NRP2: variants seen among roughly 807,000 people sequenced by gnomAD.
The protein encoded by NRP2 is neuropilin-2.
Under a neutral mutation model 110.4 loss-of-function variants are expected in NRP2, and 52 were observed. The observed-to-expected ratio is 0.47, with a 90% CI of 0.38 to 0.59. The LOEUF (loss-of-function observed/expected upper bound fraction) is 0.59, where lower values mean the gene tolerates loss of function less well. Ranked by LOEUF, NRP2 falls within the 20% of genes least tolerant of loss-of-function variation. The pLI, the probability that NRP2 is intolerant of heterozygous loss-of-function variation, is 0.00. For missense variants in NRP2, 1,049 were observed against 1,203.0 expected (o/e 0.87, Z 1.89); for synonymous variants, 508 against 468.9 (o/e 1.08, Z -1.08).
intron 10 of NRP2, among the ~76,000 whole-genome samples, chr2:205,747,158 C>G (rs1575620301): frequency 1.3e-5 from 2 of 152,230 alleles, no homozygotes; most frequent in Middle Eastern, 6.8e-3. Context: ...ACACTTCTGC[C>G]CATGATACAC....
chr2:205,754,099 C>T (rs1386836750), intron 12 of NRP2, among the ~76,000 whole-genome samples: 1 of 152,268 alleles, frequency 6.6e-6, no homozygotes, highest in Non-Finnish European at 1.5e-5. Flanking sequence ...TCTAGCACAG[C>T]ACTGAGTGAC....
intron 2 of NRP2, among the ~76,000 whole-genome samples, chr2:205,698,447 G>A (rs1324849084): frequency 6.6e-6 from 1 of 152,156 alleles, no homozygotes; most frequent in Non-Finnish European, 1.5e-5. Context: ...GAGAGGTTAG[G>A]TCAGTCACCC....
intron 2 of NRP2, among the ~76,000 whole-genome samples, chr2:205,714,713 T>C (rs1334645086): frequency 6.6e-6 from 1 of 152,172 alleles, no homozygotes; most frequent in African/African-American, 2.4e-5. Context: ...TTCTCCAGAC[T>C]CTAAGGAGCT....
Position 205,757,758 on chromosome 2 carries a change from G to C in NRP2, c.2044+4783G>C, listed in dbSNP as rs373680804. Among the ~76,000 whole-genome samples the C allele has an allele frequency of 3.3e-5, 5 of 152,272 alleles. No homozygotes were observed. In the East Asian group the frequency reaches 9.6e-4, roughly 29 times the overall value. The stretch of plus-strand genomic sequence containing the variant: ...GATAGATAATTAAAGATCAGGAGCA[G>C]CTTGGCTAAAAGAAAGCCAATAGTC... On this transcript the variant is annotated intron_variant, in intron 12 of 16. Coordinates refer to ENST00000357785, the MANE Select transcript of NRP2 (RefSeq NM_003872.3).
At chr2:205,776,569 G>A (rs1559364093) in intron 15 of NRP2, 2 of 1,600,094 alleles carry the variant, frequency 1.2e-6, no homozygotes, top group Non-Finnish European at 1.7e-6. Context: ...GAGAAAGACT[G>A]CAAACATGTT....
intron 7 of NRP2, chr2:205,739,857 T>C (rs771230589): frequency 1.9e-5 from 3 of 161,734 alleles, no homozygotes; most frequent in Non-Finnish European, 4.1e-5. Flanking sequence ...GGGACAGGGA[T>C]GGATTTCATT....
At chr2:205,778,535 T>C (rs1371926787) in intron 15 of NRP2, 1 of 152,196 alleles carries the variant, frequency 6.6e-6, no homozygotes, top group Non-Finnish European at 1.5e-5. Flanking sequence ...TGATGACTAA[T>C]ATGCCACTCA....
chr2:205,718,560 C>A lies in NRP2; in HGVS notation c.433+2186C>A, dbSNP rs542365843. ...CCACACTCCTGGCAATGTAAGAGAG[C>A]AGATGAGAGCCCATAGACTTCTCAG... On this transcript the variant is annotated intron_variant, in intron 3 of 16. Transcript: ENST00000357785. 3.3e-5 allele frequency among the ~76,000 whole-genome samples: 5 copies of A among 152,306 alleles called. No individual in the cohort carries two copies. In the South Asian group the frequency reaches 8.3e-4, roughly 25 times the overall value.
chr2:205,753,331 C>T (rs2057682689), intron 12 of NRP2, among the ~76,000 whole-genome samples: 1 of 152,168 alleles, frequency 6.6e-6, no homozygotes, highest in South Asian at 2.1e-4. Flanking sequence ...ATCACAGAGC[C>T]CCTTGTCAAC....
rs532583161 is a variant in NRP2 at position 205,686,614 on chromosome 2, G to A, written c.73+3251G>A. ...GCCGGTAGCCCTAGTGTTTGGAGGT[G>A]GGGGAGGGATTTGGAATAGACTTGT... is the stretch of plus-strand genomic sequence containing the variant. On this transcript the variant is annotated intron_variant, in intron 1 of 16. Coordinates refer to ENST00000357785, the MANE Select transcript of NRP2 (RefSeq NM_003872.3). The surrounding 1 kb of genome is among the most constrained non-coding windows in gnomAD (Gnocchi z 4.7). Among the ~76,000 whole-genome samples, 1 of 152,196 alleles carries A rather than the reference G, an allele frequency of 6.6e-6. No individual in the cohort carries two copies. The highest frequency in any genetic ancestry group is 2.1e-4 in the South Asian group (1 of 4,834).
At chr2:205,716,418 A>G in intron 3 of NRP2, 44 bp downstream of exon 3, 1 of 1,604,412 alleles carries the variant, frequency 6.2e-7, no homozygotes, top group Non-Finnish European at 8.5e-7. Context: ...GGCGTCTTAG[A>G]GAAGAAGGAG....
chr2:205,717,788 C>T (rs2056929749), intron 3 of NRP2, among the ~76,000 whole-genome samples: 1 of 152,172 alleles, frequency 6.6e-6, no homozygotes, highest in East Asian at 1.9e-4. Flanking sequence ...TCCTCTGCTG[C>T]CGAGCAGTGG....
At chr2:205,688,698 CT>C (rs1164457015) in intron 1 of NRP2, among the ~76,000 whole-genome samples, 1 of 152,070 alleles carries the variant, frequency 6.6e-6, no homozygotes, top group East Asian at 1.9e-4. Context: ...ATTATGTGAC[CT>C]TTGGCAGACC....
At chr2:205,779,693 AATG>A (rs758390240) in intron 15 of NRP2, 4 of 152,190 alleles carry the variant, frequency 2.6e-5, no homozygotes, top group Non-Finnish European at 4.4e-5. Flanking sequence ...AATGTAATAA[AATG>A]ATGATATTTT....
chr2:205,702,057 A>G (rs1358751713), intron 2 of NRP2, among the ~76,000 whole-genome samples: 13 of 152,240 alleles, frequency 8.5e-5, no homozygotes, highest in African/African-American at 2.2e-4. Context: ...CTGTCATAAT[A>G]ATAAATATCT....
chr2:205,688,633 C>G (rs2056231383), intron 1 of NRP2, among the ~76,000 whole-genome samples: 1 of 152,092 alleles, frequency 6.6e-6, no homozygotes, highest in African/African-American at 2.4e-5. Context: ...TCCTCTGGGA[C>G]CTTGGTTGTA....
chr2:205,691,385 G>A (rs1208093534), intron 1 of NRP2, among the ~76,000 whole-genome samples: 1 of 152,174 alleles, frequency 6.6e-6, no homozygotes, highest in Non-Finnish European at 1.5e-5. Context: ...CAGGGGAAGG[G>A]GAAGGTGTGA....
intron 15 of NRP2, among the ~76,000 whole-genome samples, chr2:205,787,269 G>A (rs2058245841): frequency 6.6e-6 from 1 of 152,140 alleles, no homozygotes; most frequent in Non-Finnish European, 1.5e-5. Flanking sequence ...TTCCTTCAGT[G>A]CAGGGTGATG....
chr2:205,741,097 A>G (rs1000427309), intron 8 of NRP2, among the ~76,000 whole-genome samples: 21 of 152,184 alleles, frequency 1.4e-4, no homozygotes, highest in African/African-American at 5.1e-4. Flanking sequence ...TGCTGCCTCA[A>G]CCGGGGGCCA....
Sources: gnomAD v4.1 joint callset for allele counts (sites outside exome capture counted in the v4.1 genomes callset) on GRCh38, gnomAD v4.1.1 for gene constraint, Gnocchi (gnomAD v3.1) non-coding constraint, MANE v1.5 for transcripts, NCBI Gene and HGNC (gene_info 2026-07-23, HGNC 2026-07-21) for gene names.